CSMD2: variants seen among roughly 807,000 people sequenced by gnomAD.
CSMD2 encodes CUB and sushi domain-containing protein 2.
CSMD2 carries 130 observed loss-of-function variants against 398.5 expected under a neutral mutation model. The ratio of observed to expected loss-of-function variants is 0.33; its 90% CI spans 0.28 to 0.38. The LOEUF (loss-of-function observed/expected upper bound fraction) is 0.38. CSMD2 is among the 10% of genes least tolerant of loss of function. The pLI is 1.00. For synonymous variants in CSMD2, 1,828 were observed against 1,908.5 expected (o/e 0.96, Z 1.10); for missense variants, 3,829 against 4,764.9 (o/e 0.80, Z 5.78).
chr1:34,088,039 A>G (rs1293387277), intron 2 of CSMD2, among the ~76,000 whole-genome samples: 3 of 152,116 alleles, frequency 2.0e-5, no homozygotes, highest in Non-Finnish European at 4.4e-5. Context: ...GGGGAAAGAG[A>G]AGAGGGCTGA....
intron 13 of CSMD2, among the ~76,000 whole-genome samples, chr1:33,764,807 T>C (rs1650278519): frequency 6.6e-6 from 1 of 152,244 alleles, no homozygotes; most frequent in Admixed American, 6.5e-5. Flanking sequence ...TCATATTTTC[T>C]GGGCCAAGGG....
intron 15 of CSMD2, among the ~76,000 whole-genome samples, chr1:33,731,284 T>G (rs1195382253): frequency 6.6e-6 from 1 of 152,204 alleles, no homozygotes. Context: ...CAAGTTTTCT[T>G]TAAGTGTAGC....
chr1:34,154,727 C>CTTT (rs10709808), intron 1 of CSMD2, among the ~76,000 whole-genome samples: 1 of 113,190 alleles, frequency 8.8e-6, no homozygotes. Flanking sequence ...AGGATCCAGG[C>CTTT]TTTTTTTTTT....
At position 33,912,625 on chromosome 1, in the gene CSMD2, G is replaced by T. The variant is rs183729068; in HGVS notation, c.920+5469C>A. ...AGAGCGAGGGGGCACAAGCAGAGAT[G>T]CCCCTCCCATCTCTGGTAGTTGTCT... On this transcript the variant is annotated intron_variant, in intron 5 of 70. Transcript: ENST00000373381. 2.3e-4 allele frequency among the ~76,000 whole-genome samples: 35 copies of T among 152,180 alleles called. 1 individual carries two copies. The highest frequency in any genetic ancestry group is 2.0e-3 in the Admixed American group (30 of 15,298).
At chr1:33,700,713 T>A (rs373177445) in intron 22 of CSMD2, 40 bp from the exon 23 acceptor site, 1 of 1,609,720 alleles carries the variant, frequency 6.2e-7, no homozygotes, top group African/African-American at 1.3e-5. Flanking sequence ...GTCGTCAGCA[T>A]GGCCTTATGT....
At chr1:33,694,181 T>C (rs1283813759) in intron 24 of CSMD2, among the ~76,000 whole-genome samples, 2 of 152,188 alleles carry the variant, frequency 1.3e-5, no homozygotes, top group Admixed American at 1.3e-4. Flanking sequence ...CGATTCCACT[T>C]ATGTGAAATA....
At chr1:33,619,163 A>C (rs1274113369) in intron 37 of CSMD2, among the ~76,000 whole-genome samples, 1 of 152,208 alleles carries the variant, frequency 6.6e-6, no homozygotes, top group Non-Finnish European at 1.5e-5. Flanking sequence ...ACTCATGAGG[A>C]GGCGGAGAGG....
chr1:33,654,443 G>C (rs533971512), intron 27 of CSMD2, among the ~76,000 whole-genome samples: 9 of 152,290 alleles, frequency 5.9e-5, no homozygotes, highest in South Asian at 2.1e-4. Flanking sequence ...GAGTAGAGGA[G>C]GCGTGCTTCT....
intron 13 of CSMD2, among the ~76,000 whole-genome samples, chr1:33,755,597 A>G (rs1372739079): frequency 6.6e-6 from 1 of 152,208 alleles, no homozygotes; most frequent in African/African-American, 2.4e-5. Context: ...CTAGATTCAT[A>G]TTTGATATAA....
intron 5 of CSMD2, chr1:33,862,504 C>T (rs1329803599): frequency 6.6e-6 from 1 of 152,018 alleles, no homozygotes; most frequent in Non-Finnish European, 1.5e-5. Flanking sequence ...TCTAGGCAGC[C>T]CTGCTCATGT....
At chr1:34,011,370 G>A (rs929284928) in intron 3 of CSMD2, among the ~76,000 whole-genome samples, 9 of 152,116 alleles carry the variant, frequency 5.9e-5, no homozygotes, top group African/African-American at 1.9e-4. Context: ...TTGGTAAACT[G>A]GCAAAGGAGT....
intron 2 of CSMD2, among the ~76,000 whole-genome samples, chr1:34,081,420 C>G (rs181750216): frequency 9.0e-4 from 137 of 151,976 alleles, no homozygotes; most frequent in African/African-American, 2.8e-3. Flanking sequence ...CCCCCTCCCC[C>G]TCCCGCTCCC....
At chr1:34,004,163 C>A (rs1646987481) in intron 3 of CSMD2, among the ~76,000 whole-genome samples, 1 of 152,188 alleles carries the variant, frequency 6.6e-6, no homozygotes, top group African/African-American at 2.4e-5. Flanking sequence ...TCTCTAGGAT[C>A]ATGTGAATCC....
At chr1:34,021,801 A>ATTGGAATGATAAGT (rs1225871404) in intron 3 of CSMD2, among the ~76,000 whole-genome samples, 1 of 152,190 alleles carries the variant, frequency 6.6e-6, no homozygotes, top group African/African-American at 2.4e-5. Context: ...TGGGTCAGAG[A>ATTGGAATGATAAGT]ACAGGTTGGA....
intron 12 of CSMD2, among the ~76,000 whole-genome samples, chr1:33,778,447 T>C (rs958044354): frequency 6.6e-6 from 1 of 152,118 alleles, no homozygotes; most frequent in African/African-American, 2.4e-5. Context: ...AATTTGTTCT[T>C]CTGGAGCTCT....
intron 13 of CSMD2, among the ~76,000 whole-genome samples, chr1:33,751,516 TGA>T (rs1229448840): frequency 1.3e-5 from 2 of 151,858 alleles, no homozygotes; most frequent in African/African-American, 4.8e-5. Context: ...TACTGGGAGG[TGA>T]GAAATGAACA....
chr1:33,915,991 A>G (rs1643701566), intron 5 of CSMD2, among the ~76,000 whole-genome samples: 1 of 150,630 alleles, frequency 6.6e-6, no homozygotes, highest in South Asian at 2.1e-4. Context: ...TAAAAGGAGG[A>G]AAACTATGCT....
At chr1:34,118,238 C>A (rs1046696117) in intron 1 of CSMD2, among the ~76,000 whole-genome samples, 1 of 151,784 alleles carries the variant, frequency 6.6e-6, no homozygotes, top group African/African-American at 2.4e-5. Context: ...AAGAAACACT[C>A]AACAAACTAG....
At chr1:33,921,848 T>C (rs566480036) in intron 4 of CSMD2, among the ~76,000 whole-genome samples, 1 of 152,098 alleles carries the variant, frequency 6.6e-6, no homozygotes, top group Non-Finnish European at 1.5e-5. Context: ...TAGTAATGGA[T>C]GAAAGATATG....
Sources: allele counts gnomAD v4.1 joint callset (sites outside exome capture counted in the v4.1 genomes callset), GRCh38; gene constraint gnomAD v4.1.1; transcripts MANE v1.5; gene names NCBI Gene and HGNC (gene_info 2026-07-23, HGNC 2026-07-21).